Variants in ZNF76 observed in about 807,000 individuals in gnomAD.
The protein encoded by ZNF76 is zinc finger protein 523.
ZNF76 carries 66 observed loss-of-function variants against 66.9 expected under a neutral mutation model. The observed-to-expected ratio is 0.99, with a 90% confidence interval of 0.81 to 1.21. The LOEUF (loss-of-function observed/expected upper bound fraction) is 1.21, where lower values mean the gene tolerates loss of function less well. Among genes scored for constraint, ZNF76 ranks in the 50% most tolerant of loss-of-function variants. The pLI is 0.00. For missense variants in ZNF76, 729 were observed against 760.3 expected (o/e 0.96, Z 0.48); for synonymous variants, 275 against 296.1 (o/e 0.93, Z 0.73).
chr6:35,262,040 G>T (rs775312088), intron 1 of ZNF76, among the ~76,000 whole-genome samples: 38 of 152,062 alleles, frequency 2.5e-4, no homozygotes, highest in Non-Finnish European at 4.6e-4. Context: ...CCTTCATAAG[G>T]AAATGAAGAC....
In ZNF76 at chr6:35,287,560, TG is replaced by T. The variant is rs1246293066; in HGVS notation, c.233-85del. On this transcript the variant is annotated intron_variant, in intron 4 of 13. Transcript: ENST00000373953. This position sits in a 1 kb window ranked among gnomAD's most constrained non-coding sequence, Gnocchi z 4.0. ...GGATGTTGAAACCCTCCTTGGTATA[TG>T]TATCTCTCATTAACTTAAAGCTAGG... The T allele has an allele frequency of 6.3e-6, 8 of 1,274,342 alleles. No homozygotes were observed. The Admixed American group carries it at 6.8e-5, about 11-fold the overall frequency. 78.9% of individuals were successfully genotyped at this position (1,274,342 alleles called of 1,614,324 possible).
At position 35,292,636 on chromosome 6, in the gene ZNF76, G is replaced by GCA; in HGVS notation, c.1022_1023dup (p.Cys342ThrfsTer64). On this transcript the variant is annotated frameshift_variant, in exon 10 of 14. Coordinates refer to ENST00000373953, the MANE Select transcript of ZNF76 (RefSeq NM_003427.5). LOFTEE classifies it high-confidence loss of function. This position sits in a 1 kb window ranked among gnomAD's most constrained non-coding sequence, Gnocchi z 4.7. ...CGAGCTTGTATAAGCACCACGTGGT[G>GCA]CACACACACTGCAAGCCCTACACCT... 2 of 1,614,048 alleles carry GCA rather than the reference G, an allele frequency of 1.2e-6. No homozygotes were observed. The highest frequency in any genetic ancestry group is 1.7e-6 in the Non-Finnish European group (2 of 1,180,032).
chr6:35,261,970 AC>A (rs1554185736), intron 1 of ZNF76, among the ~76,000 whole-genome samples: 1 of 152,224 alleles, frequency 6.6e-6, no homozygotes, highest in Non-Finnish European at 1.5e-5. Context: ...CCCTATAACA[AC>A]AGATTTAATA....
At chr6:35,290,057 A>C (rs541367944) in intron 5 of ZNF76, among the ~76,000 whole-genome samples, 5 of 152,272 alleles carry the variant, frequency 3.3e-5, no homozygotes, top group African/African-American at 1.2e-4. Flanking sequence ...ATCCCATCAG[A>C]GATGGGTGGT....
Position 35,291,557 on chromosome 6 carries a change from G to A in ZNF76, c.752-1G>A. 6.2e-7 allele frequency: 1 copy of A among 1,612,402 alleles called. No individual in the cohort carries two copies. The highest frequency in any genetic ancestry group is 8.5e-7 in the Non-Finnish European group (1 of 1,178,614). On this transcript the variant is annotated splice_acceptor_variant, in intron 8 of 13. Coordinates refer to ENST00000373953, the MANE Select transcript of ZNF76 (RefSeq NM_003427.5). LOFTEE classifies it high-confidence loss of function. ...CTCCTCACATCCCACCATTTGCATA[G>A]GTGAACGCCCGTTCCAGTGCCCTTT...
intron 1 of ZNF76, among the ~76,000 whole-genome samples, chr6:35,276,413 C>T (rs978752148): frequency 6.6e-6 from 1 of 152,230 alleles, no homozygotes; most frequent in Non-Finnish European, 1.5e-5. Flanking sequence ...TCCTTCCCCT[C>T]CTCCTGATAG....
intron 7 of ZNF76, 167 bp from the exon 8 acceptor site, chr6:35,291,111 C>A: frequency 2.5e-6 from 2 of 801,202 alleles, no homozygotes; most frequent in Non-Finnish European, 3.8e-6. Flanking sequence ...GAGAGGGAAG[C>A]AGGGCAGAGT....
chr6:35,282,289 C>T (rs1788882506), intron 2 of ZNF76, among the ~76,000 whole-genome samples: 1 of 148,304 alleles, frequency 6.7e-6, no homozygotes, highest in South Asian at 2.1e-4. Context: ...GCCTAGACAA[C>T]AGCAAGACCC....
Position 35,286,287 on chromosome 6 carries a change from G to A in ZNF76, c.155-35G>A, listed in dbSNP as rs760887060. ...CCAAGGGACCCCTCCATGGCACTGA[G>A]CTCCAGGGAAAGGCAGGCATTGCTC... On this transcript the variant is annotated intron_variant, in intron 3 of 13. Coordinates refer to ENST00000373953, the MANE Select transcript of ZNF76 (RefSeq NM_003427.5). 5.6e-6 allele frequency: 9 copies of A among 1,613,894 alleles called. No individual in the cohort carries two copies. The East Asian group carries it at 2.0e-4, about 36-fold the overall frequency.
In ZNF76 at chr6:35,294,564, G is replaced by A. The variant is rs1399382872; in HGVS notation, c.1603G>A (p.Val535Met). The A allele has an allele frequency of 6.2e-7, 1 of 1,609,570 alleles. No homozygotes were observed. Among genetic ancestry groups the A allele is most frequent in the Non-Finnish European group, 8.5e-7 (1 of 1,175,782 alleles). The change falls in exon 13 of 14, where the codon GTG becomes ATG. Residue 535 changes from valine to methionine, a missense_variant. By Grantham distance (21) the Val-to-Met change is conservative. Transcript: ENST00000373953. ...LATANGTHIA[V>M]QLEEQQTLEE... ...CACAGCCAACGGAACGCACATTGCA[G>A]TGCAGGTGAGTAGAGATCTGGGAGG... is the stretch of plus-strand genomic sequence containing the variant.
Position 35,292,656 on chromosome 6 carries a change from A to ACACCTGCAG in ZNF76, c.1042_1050dup (p.Ser348_Cys350dup). On this transcript the variant is annotated inframe_insertion, in exon 10 of 14. Coordinates refer to ENST00000373953, the MANE Select transcript of ZNF76 (RefSeq NM_003427.5). This position sits in a 1 kb window ranked among gnomAD's most constrained non-coding sequence, Gnocchi z 4.7. ...GTGGTGCACACACACTGCAAGCCCT[A>ACACCTGCAG]CACCTGCAGCACCTGCGGCAAGACC... 3 of 1,614,130 alleles carry ACACCTGCAG rather than the reference A, an allele frequency of 1.9e-6. No homozygotes were observed. Among genetic ancestry groups the ACACCTGCAG allele is most frequent in the Non-Finnish European group, 2.5e-6 (3 of 1,180,036 alleles).
intron 1 of ZNF76, among the ~76,000 whole-genome samples, chr6:35,273,167 A>C (rs556864680): frequency 1.3e-5 from 2 of 148,906 alleles, no homozygotes; most frequent in East Asian, 4.0e-4. Flanking sequence ...GAAAAAAAAC[A>C]AAAAACAAAA....
In ZNF76 at chr6:35,287,855, C is replaced by T. The variant is rs373285155; in HGVS notation, c.432+10C>T. On this transcript the variant is annotated intron_variant, in intron 5 of 13. Transcript: ENST00000373953. This position sits in a 1 kb window ranked among gnomAD's most constrained non-coding sequence, Gnocchi z 4.0. ...GCAGTATGCCAGCAAGGTGAGCACG[C>T]ACAGCGTGACACGGTCTGTCACTCT... is the stretch of plus-strand genomic sequence containing the variant. 9.5e-6 allele frequency: 15 copies of T among 1,571,046 alleles called. No individual in the cohort carries two copies. In the African/African-American group the frequency reaches 2.0e-4, roughly 21 times the overall value.
Position 35,287,731 on chromosome 6 carries a change from G to A in ZNF76, c.318G>A (p.Ser106=), listed in dbSNP as rs757827739. The part of the protein sequence containing the change: ...AYIHHPVAVP[S]ESTILAVQTE... Reference sequence around the variant, plus strand: ...TTCACCACCCTGTGGCTGTGCCATCGGAGAGCACCATCCTGGCCGTACAGA... The same window carrying A: ...TTCACCACCCTGTGGCTGTGCCATCAGAGAGCACCATCCTGGCCGTACAGA... Residue 106 remains serine, a synonymous_variant, in exon 5 of 14, where the codon TCG becomes TCA. Transcript: ENST00000373953. The surrounding 1 kb of genome is among the most constrained non-coding windows in gnomAD (Gnocchi z 4.0). 8.7e-6 allele frequency: 14 copies of A among 1,614,102 alleles called. No individual in the cohort carries two copies. The highest frequency in any genetic ancestry group is 2.7e-5 in the African/African-American group (2 of 74,946).
intron 1 of ZNF76, among the ~76,000 whole-genome samples, chr6:35,268,024 A>G (rs571752493): frequency 6.6e-6 from 1 of 152,340 alleles, no homozygotes; most frequent in South Asian, 2.1e-4. Context: ...TTCAACTTAG[A>G]TATTACAATA....
Position 35,295,134 on chromosome 6 carries a change from T to G in ZNF76, c.1609-10T>G, listed in dbSNP as rs947261476. 1.2e-6 allele frequency: 2 copies of G among 1,606,806 alleles called. No homozygotes were observed. Among genetic ancestry groups the G allele is most frequent in the Admixed American group, 1.7e-5 (1 of 59,596 alleles). ...ACTGTCTCCTTCCTTCTGCACCCCC[T>G]TCCCCACAGCTGGAGGAACAGCAGA... On this transcript the variant is annotated splice_polypyrimidine_tract_variant and intron_variant, in intron 13 of 13. Transcript: ENST00000373953.
chr6:35,266,797 C>CTTTTTTTTTTTTTTTTTTTTTTTTTT (rs57833954), intron 1 of ZNF76, among the ~76,000 whole-genome samples: 3 of 93,280 alleles, frequency 3.2e-5, no homozygotes, highest in African/African-American at 1.3e-4. Flanking sequence ...TTGTCTATTT[C>CTTTTTTTTTTTTTTTTTTTTTTTTTT]TTTTTTTTTT....
At chr6:35,294,109 A>G in intron 12 of ZNF76, 194 bp downstream of exon 12, 1 of 653,816 alleles carries the variant, frequency 1.5e-6, no homozygotes, top group Non-Finnish European at 2.6e-6. Flanking sequence ...AGGTCAAGAG[A>G]CACTTTCTAA....
chr6:35,286,187 C>G lies in ZNF76; in HGVS notation c.133C>G (p.His45Asp). Reference sequence around the variant, plus strand: ...CGAGGATGGGACCACCGCATACATTCACCAGGTGACGGTACAGAAAGGTGA... The same window carrying G: ...CGAGGATGGGACCACCGCATACATTGACCAGGTGACGGTACAGAAAGGTGA... ...QLEDGTTAYI[H>D]QVTVQKEALS... Residue 45 changes from histidine to aspartate, a missense_variant, in exon 3 of 14, where the codon CAC becomes GAC. Transcript: ENST00000373953. 9 of 1,614,196 alleles carry G rather than the reference C, an allele frequency of 5.6e-6. No homozygotes were observed. The highest frequency in any genetic ancestry group is 7.6e-6 in the Non-Finnish European group (9 of 1,180,022).
Sources: gnomAD v4.1 joint callset for allele counts (sites outside exome capture counted in the v4.1 genomes callset) on GRCh38, gnomAD v4.1.1 for gene constraint, Gnocchi (gnomAD v3.1) non-coding constraint, MANE v1.5 for transcripts, NCBI Gene and HGNC (gene_info 2026-07-23, HGNC 2026-07-21) for gene names.